The following GMDS variants were observed in gnomAD, a reference collection of about 807,000 sequenced individuals.
The protein encoded by GMDS is GDP-mannose 4,6-dehydratase.
GMDS carries 20 observed loss-of-function variants against 49.9 expected under a neutral mutation model. The observed-to-expected ratio is 0.40, with a 90% CI of 0.28 to 0.58. GMDS has a LOEUF of 0.58. Ranked by LOEUF, GMDS falls within the 20% of genes least tolerant of loss-of-function variation. GMDS has a pLI of 0.42. For synonymous variants in GMDS, 177 were observed against 178.6 expected, an observed-to-expected ratio of 0.99 and a Z score of 0.07; for missense variants, 362 against 481.4, an observed-to-expected ratio of 0.75 and a Z score of 2.32.
At chr6:2,001,274 G>A (rs894228865) in intron 4 of GMDS, among the ~76,000 whole-genome samples, 1 of 152,052 alleles carries the variant, frequency 6.6e-6, no homozygotes, top group African/African-American at 2.4e-5. Flanking sequence ...ATGCTTATTG[G>A]TCATTTGTAA....
intron 9 of GMDS, among the ~76,000 whole-genome samples, chr6:1,723,294 G>GTCC: frequency 1.7e-5 from 1 of 59,900 alleles, no homozygotes; most frequent in Non-Finnish European, 2.9e-5. Flanking sequence ...GACCTGATGT[G>GTCC]TCCTATTTTT....
intron 7 of GMDS, among the ~76,000 whole-genome samples, chr6:1,886,939 T>A (rs1759636036): frequency 6.6e-6 from 1 of 152,248 alleles, no homozygotes; most frequent in Admixed American, 6.5e-5. Context: ...GCTACTACTT[T>A]CAATTGCTGA....
At chr6:1,847,106 G>A (rs1400609329) in intron 7 of GMDS, among the ~76,000 whole-genome samples, 1 of 152,154 alleles carries the variant, frequency 6.6e-6, no homozygotes, top group South Asian at 2.1e-4. Flanking sequence ...ACCTAGGCTG[G>A]TGTGCAGTGG....
chr6:2,068,832 C>T (rs559411138), intron 4 of GMDS, among the ~76,000 whole-genome samples: 67 of 152,214 alleles, frequency 4.4e-4, no homozygotes, highest in South Asian at 2.1e-3. Context: ...GTGAAAATGG[C>T]CATACTGCCC....
intron 1 of GMDS, among the ~76,000 whole-genome samples, chr6:2,166,097 A>G (rs900798637): frequency 3.2e-4 from 49 of 152,360 alleles, no homozygotes; most frequent in African/African-American, 1.2e-3. Context: ...CAGGAAAAAC[A>G]AAAAAGAAGC....
At chr6:1,967,231 C>A (rs931016324) in intron 4 of GMDS, among the ~76,000 whole-genome samples, 1 of 152,190 alleles carries the variant, frequency 6.6e-6, no homozygotes, top group Non-Finnish European at 1.5e-5. Context: ...TATCTGTTTA[C>A]TTATTTATGA....
chr6:1,841,556 G>T (rs1757152805), intron 7 of GMDS, among the ~76,000 whole-genome samples: 1 of 152,084 alleles, frequency 6.6e-6, no homozygotes, highest in South Asian at 2.1e-4. Context: ...AAGCATAATT[G>T]TTTATTTAAA....
intron 7 of GMDS, among the ~76,000 whole-genome samples, chr6:1,818,057 T>C (rs1302240794): frequency 6.6e-6 from 1 of 152,094 alleles, no homozygotes; most frequent in African/African-American, 2.4e-5. Context: ...CTGAAAACTA[T>C]AGAAAGTACA....
At chr6:1,978,061 G>A (rs1765009361) in intron 4 of GMDS, among the ~76,000 whole-genome samples, 2 of 152,206 alleles carry the variant, frequency 1.3e-5, no homozygotes, top group Admixed American at 6.5e-5. Context: ...GCAACAGAGT[G>A]GAGACTGCCT....
At chr6:1,971,856 G>A (rs1257196607) in intron 4 of GMDS, among the ~76,000 whole-genome samples, 1 of 152,212 alleles carries the variant, frequency 6.6e-6, no homozygotes, top group African/African-American at 2.4e-5. Flanking sequence ...AGAGTAGAAA[G>A]CATATGCAGG....
In GMDS at chr6:1,959,923, G is replaced by A. The variant is rs1053546351; in HGVS notation, c.587C>T (p.Ala196Val). The change falls in exon 6 of 11, where the codon GCG (alanine) becomes GTG (valine). Residue 196 changes from alanine (A) to valine (V), a missense_variant. Coordinates refer to ENST00000380815, the MANE Select transcript of GMDS (RefSeq NM_001500.4). ...GCCGTTCACTGCAAAGAGATTATACGCCTCACGGAAGTTCACCACAATCCA... is the reference window on the plus strand; with the variant it reads ...GCCGTTCACTGCAAAGAGATTATACACCTCACGGAAGTTCACCACAATCCA... ...AYWIVVNFRE[A>V]YNLFAVNGIL... The A allele has an allele frequency of 6.2e-7, 1 of 1,611,234 alleles. No homozygotes were observed. The highest frequency in any genetic ancestry group is 8.5e-7 in the Non-Finnish European group (1 of 1,178,768).
intron 6 of GMDS, among the ~76,000 whole-genome samples, chr6:1,953,305 A>G (rs1456111957): frequency 1.3e-5 from 2 of 152,168 alleles, no homozygotes; most frequent in African/African-American, 2.4e-5. Flanking sequence ...CTGAAAACTG[A>G]AAAATCACAT....
chr6:1,688,819 T>C (rs1765073373), intron 9 of GMDS, among the ~76,000 whole-genome samples: 1 of 152,194 alleles, frequency 6.6e-6, no homozygotes, highest in Non-Finnish European at 1.5e-5. Context: ...ACAGCATCTG[T>C]TTGAGGAATG....
chr6:1,786,918 G>T (rs1011409114), intron 7 of GMDS, among the ~76,000 whole-genome samples: 12 of 152,072 alleles, frequency 7.9e-5, no homozygotes, highest in African/African-American at 2.9e-4. Flanking sequence ...CTGACTGCAG[G>T]ATTGTGACCA....
At chr6:1,809,597 T>C (rs761744262) in intron 7 of GMDS, among the ~76,000 whole-genome samples, 3 of 152,136 alleles carry the variant, frequency 2.0e-5, no homozygotes, top group Non-Finnish European at 2.9e-5. Flanking sequence ...TTATGGAGGA[T>C]ATAAATTACT....
At chr6:2,143,559 C>A (rs1776411830) in intron 1 of GMDS, among the ~76,000 whole-genome samples, 2 of 152,116 alleles carry the variant, frequency 1.3e-5, no homozygotes, top group Admixed American at 6.5e-5. Context: ...AAGCAGAAAT[C>A]AAATCTATGC....
intron 8 of GMDS, among the ~76,000 whole-genome samples, chr6:1,734,443 T>C (rs75217795): frequency 0.015 from 2,311 of 152,342 alleles, 54 homozygotes; most frequent in African/African-American, 0.052. Flanking sequence ...CTGCAGTGCA[T>C]AAATGGAAGA....
chr6:2,013,501 A>T (rs1767692076), intron 4 of GMDS, among the ~76,000 whole-genome samples: 1 of 152,198 alleles, frequency 6.6e-6, no homozygotes, highest in South Asian at 2.1e-4. Context: ...TTTTTAAATT[A>T]TCAGATAGGG....
At position 1,635,004 on chromosome 6, in the gene GMDS, A is replaced by G. The variant is rs1315716677; in HGVS notation, c.988-10464T>C. Among the ~76,000 whole-genome samples the G allele has an allele frequency of 6.6e-6, 1 of 152,174 alleles. No homozygotes were observed. The highest frequency in any genetic ancestry group is 1.5e-5 in the Non-Finnish European group (1 of 68,018). The stretch of plus-strand genomic sequence containing the variant: ...TTTCAAAGACATTCTACGAATCAAC[A>G]ATGCCAGAAGCGAAGTTCTCCTAGT... On this transcript the variant is annotated intron_variant, in intron 9 of 10. Coordinates refer to ENST00000380815, the MANE Select transcript of GMDS (RefSeq NM_001500.4). The surrounding 1 kb of genome is among the most constrained non-coding windows in gnomAD (Gnocchi z 4.7).
Sources: gnomAD v4.1 joint callset for allele counts (sites outside exome capture counted in the v4.1 genomes callset) on GRCh38, gnomAD v4.1.1 for gene constraint, Gnocchi (gnomAD v3.1) non-coding constraint, MANE v1.5 for transcripts, NCBI Gene and HGNC (gene_info 2026-07-23, HGNC 2026-07-21) for gene names.